TOMM20: variants seen among roughly 807,000 people sequenced by gnomAD.
TOMM20 encodes translocase of outer mitochondrial membrane 20.
Under a neutral mutation model 22.1 loss-of-function variants are expected in TOMM20, and 10 were observed. The observed-to-expected ratio is 0.45, with a 90% confidence interval of 0.28 to 0.77. The LOEUF (loss-of-function observed/expected upper bound fraction) is 0.77, where lower values mean the gene tolerates loss of function less well. Among genes scored for constraint, TOMM20 ranks in the 30% least tolerant of loss-of-function variants. TOMM20 has a pLI of 0.13. For synonymous variants in TOMM20, 55 were observed against 61.4 expected, an observed-to-expected ratio of 0.90 and a Z score of 0.49; for missense variants, 121 against 172.2, an observed-to-expected ratio of 0.70 and a Z score of 1.66.
intron 3 of TOMM20, among the ~76,000 whole-genome samples, chr1:235,117,393 G>C (rs1294851363): frequency 6.7e-6 from 1 of 150,174 alleles, no homozygotes; most frequent in Non-Finnish European, 1.5e-5. Context: ...GGGAGGCAGA[G>C]GTTGCAGTGA....
At chr1:235,116,987 T>C (rs1660842766) in intron 3 of TOMM20, among the ~76,000 whole-genome samples, 1 of 150,582 alleles carries the variant, frequency 6.6e-6, no homozygotes, top group Non-Finnish European at 1.5e-5. Context: ...TACAAAAAAC[T>C]AGCCGGGCGT....
At chr1:235,112,221 C>G (rs1660751342) in intron 4 of TOMM20, 113 bp from the exon 5 acceptor site, 4 of 834,116 alleles carry the variant, frequency 4.8e-6, no homozygotes, top group Non-Finnish European at 7.5e-6. Flanking sequence ...TAAAGTTCAC[C>G]CATTCTGACA....
intron 3 of TOMM20, among the ~76,000 whole-genome samples, chr1:235,114,974 A>G (rs1408302486): frequency 7.9e-5 from 12 of 151,958 alleles, no homozygotes; most frequent in African/African-American, 2.9e-4. Context: ...GGCTCAAGCA[A>G]TCCTCCCACC....
rs1223999107 is a variant in TOMM20, at chr1:235,110,768, T to G, written c.*1296A>C. 1 of 152,224 alleles carries G rather than the reference T, an allele frequency of 6.6e-6. No individual in the cohort carries two copies. The allele number at this position is 152,224 out of a possible 1,614,324, so 9.4% of individuals were successfully genotyped here. A position where few individuals can be genotyped will look rare whatever the true frequency, so the allele number is the denominator to read the frequency against. On this transcript the variant is annotated 3_prime_UTR_variant, in exon 5 of 5. Transcript: ENST00000366607. The stretch of plus-strand genomic sequence containing the variant: ...AGTACATAGGAAAAGTCTTTGGGAT[T>G]TCTCCAGACTTTTAGACAGAACAAA...
chr1:235,126,827 G>C (rs1661032102), intron 1 of TOMM20, among the ~76,000 whole-genome samples: 1 of 152,012 alleles, frequency 6.6e-6, no homozygotes, highest in African/African-American at 2.4e-5. Flanking sequence ...AAAATCTCTA[G>C]CATTCATCAA....
intron 3 of TOMM20, among the ~76,000 whole-genome samples, 171 bp from the exon 4 acceptor site, chr1:235,114,081 A>G (rs1660787302): frequency 6.6e-6 from 1 of 152,260 alleles, no homozygotes; most frequent in Admixed American, 6.5e-5. Flanking sequence ...AACAAGAATG[A>G]GTCAGATTAC....
chr1:235,109,345 C>T lies in TOMM20; in HGVS notation c.*2719G>A, dbSNP rs1174748894. 4 of 152,258 alleles carry T rather than the reference C, an allele frequency of 2.6e-5. No homozygotes were observed. Among genetic ancestry groups the T allele is most frequent in the Non-Finnish European group, 5.9e-5 (4 of 68,048 alleles). The allele number at this position is 152,258 out of a possible 1,614,324, so 9.4% of individuals were successfully genotyped here. A position where few individuals can be genotyped will look rare whatever the true frequency, so the allele number is the denominator to read the frequency against. ...CAAACATACGCCAAGCCAAAGTTTT[C>T]TCCAAGCCCTTTAATATTCACTTAA... On this transcript the variant is annotated 3_prime_UTR_variant, in exon 5 of 5. Transcript: ENST00000366607.
chr1:235,127,958 C>A (rs774882890), intron 1 of TOMM20: 1 of 515,382 alleles, frequency 1.9e-6, no homozygotes, highest in South Asian at 1.4e-5. Context: ...GGCGGATCAT[C>A]TGAGGTCAGG....
rs749504654 is a variant in TOMM20, at chr1:235,128,579, G to C, written c.121+16C>G. On this transcript the variant is annotated intron_variant, in intron 1 of 4. Coordinates refer to ENST00000366607, the MANE Select transcript of TOMM20 (RefSeq NM_014765.3). The stretch of plus-strand genomic sequence containing the variant: ...GAAGGCAGCAAGCCTGGCCAGGGGA[G>C]AGAGGACCCACTCACGTTCTCGAAG... 3 of 1,611,952 alleles carry C rather than the reference G, an allele frequency of 1.9e-6. No homozygotes were observed. Among genetic ancestry groups the C allele is most frequent in the South Asian group, 1.1e-5 (1 of 90,998 alleles).
rs758989711 is a variant in TOMM20 at position 235,128,747 on chromosome 1, G to A, written c.-32C>T. The stretch of plus-strand genomic sequence containing the variant: ...TACAACGCTGAGCGTGGACGGTGGC[G>A]GCAGGGACCGCGAAGGAGCGGTGGG... On this transcript the variant is annotated 5_prime_UTR_variant, in exon 1 of 5. Coordinates refer to ENST00000366607, the MANE Select transcript of TOMM20 (RefSeq NM_014765.3). The A allele has an allele frequency of 6.2e-7, 1 of 1,612,844 alleles. No homozygotes were observed. Among genetic ancestry groups the A allele is most frequent in the South Asian group, 1.1e-5 (1 of 91,074 alleles).
In TOMM20 at chr1:235,128,586, C is replaced by T; in HGVS notation, c.121+9G>A. Reference sequence around the variant, plus strand: ...GCAAGCCTGGCCAGGGGAGAGAGGACCCACTCACGTTCTCGAAGCCTGTTC... The same window carrying T: ...GCAAGCCTGGCCAGGGGAGAGAGGATCCACTCACGTTCTCGAAGCCTGTTC... On this transcript the variant is annotated intron_variant, in intron 1 of 4. Transcript: ENST00000366607. The T allele has an allele frequency of 6.2e-7, 1 of 1,612,076 alleles. No individual in the cohort carries two copies. Among genetic ancestry groups the T allele is most frequent in the Non-Finnish European group, 8.5e-7 (1 of 1,179,846 alleles).
intron 1 of TOMM20, among the ~76,000 whole-genome samples, chr1:235,123,744 C>T (rs980342880): frequency 3.3e-5 from 5 of 152,194 alleles, no homozygotes; most frequent in Non-Finnish European, 5.9e-5. Context: ...TGTTCATCAC[C>T]GCACAACTAA....
Position 235,128,810 on chromosome 1 carries a change from G to C in TOMM20, c.-95C>G, listed in dbSNP as rs905566483. The C allele has an allele frequency of 1.0e-5, 16 of 1,562,964 alleles. No individual in the cohort carries two copies. Among genetic ancestry groups the C allele is most frequent in the Non-Finnish European group, 1.3e-5 (15 of 1,156,720 alleles). ...AGAGCGGTCGGCGCAGCTCACACCC[G>C]ACGGCCGCGGGCCAGGAACACAGAA... is the stretch of plus-strand genomic sequence containing the variant. On this transcript the variant is annotated 5_prime_UTR_variant, in exon 1 of 5. Transcript: ENST00000366607.
Position 235,109,921 on chromosome 1 carries a change from C to G in TOMM20, c.*2143G>C, listed in dbSNP as rs966039750. The G allele has an allele frequency of 3.9e-5, 6 of 152,192 alleles. No homozygotes were observed. Among genetic ancestry groups the G allele is most frequent in the African/African-American group, 1.2e-4 (5 of 41,430 alleles). The allele number at this position is 152,192 out of a possible 1,614,324, so 9.4% of individuals were successfully genotyped here. Reference sequence around the variant, plus strand: ...CACCATTTGGCCAGCATCACTACAACAAGCTGATTACATCACCTTGTAAAA... The same window carrying G: ...CACCATTTGGCCAGCATCACTACAAGAAGCTGATTACATCACCTTGTAAAA... On this transcript the variant is annotated 3_prime_UTR_variant, in exon 5 of 5. Coordinates refer to ENST00000366607, the MANE Select transcript of TOMM20 (RefSeq NM_014765.3).
intron 1 of TOMM20, chr1:235,127,905 G>C (rs1661054758): frequency 3.9e-6 from 2 of 518,996 alleles, no homozygotes; most frequent in South Asian, 1.4e-5. Flanking sequence ...GAAGCACTTA[G>C]AACGAAGCTA....
rs1298548431 is a variant in TOMM20, at chr1:235,110,117, G to A, written c.*1947C>T. On this transcript the variant is annotated 3_prime_UTR_variant, in exon 5 of 5. Transcript: ENST00000366607. ...TTGGGTTAATGAACTGTAAAATGAAGATACCAACGCCTTTTCAAGCATTAC... is the reference window on the plus strand; with the variant it reads ...TTGGGTTAATGAACTGTAAAATGAAAATACCAACGCCTTTTCAAGCATTAC... 1 of 152,104 alleles carries A rather than the reference G, an allele frequency of 6.6e-6. No individual in the cohort carries two copies. Among genetic ancestry groups the A allele is most frequent in the Non-Finnish European group, 1.5e-5 (1 of 68,010 alleles). The allele number at this position is 152,104 out of a possible 1,614,324, so 9.4% of individuals were successfully genotyped here.
rs1049459591 is a variant in TOMM20, at chr1:235,128,821, G to A, written c.-106C>T. 20 of 1,545,702 alleles carry A rather than the reference G, an allele frequency of 1.3e-5. No homozygotes were observed. Among genetic ancestry groups the A allele is most frequent in the South Asian group, 2.4e-5 (2 of 85,080 alleles). ...CGCAGCTCACACCCGACGGCCGCGGGCCAGGAACACAGAAAGGCCGAGCAC... is the reference window on the plus strand; with the variant it reads ...CGCAGCTCACACCCGACGGCCGCGGACCAGGAACACAGAAAGGCCGAGCAC... On this transcript the variant is annotated 5_prime_UTR_variant, in exon 1 of 5. Coordinates refer to ENST00000366607, the MANE Select transcript of TOMM20 (RefSeq NM_014765.3).
intron 4 of TOMM20, 126 bp from the exon 5 acceptor site, chr1:235,112,234 T>G (rs1458113218): frequency 1.6e-5 from 12 of 743,994 alleles, no homozygotes; most frequent in Non-Finnish European, 2.6e-5. Flanking sequence ...TTCTGACATT[T>G]AATTCAAAAT....
chr1:235,125,369 C>T (rs1169812242), intron 1 of TOMM20, among the ~76,000 whole-genome samples: 1 of 152,204 alleles, frequency 6.6e-6, no homozygotes, highest in Non-Finnish European at 1.5e-5. Flanking sequence ...CACCCGCCAC[C>T]ATGCCCGGCT....
Sources: allele counts gnomAD v4.1 joint callset (sites outside exome capture counted in the v4.1 genomes callset), GRCh38; gene constraint gnomAD v4.1.1; transcripts MANE v1.5; gene names NCBI Gene and HGNC (gene_info 2026-07-23, HGNC 2026-07-21).